Variants in B3GALT1 observed in about 807,000 individuals in gnomAD.
B3GALT1 encodes the protein UDP-Gal:betaGlcNAc beta 1,3-galactosyltransferase, polypeptide 1.
In B3GALT1, 10 loss-of-function variants were observed where a neutral mutation model predicts 23.2. The ratio of observed to expected loss-of-function variants is 0.43; its 90% confidence interval spans 0.27 to 0.73. The LOEUF is 0.73. B3GALT1 is among the 30% of genes least tolerant of loss of function. The pLI, the probability that B3GALT1 is intolerant of heterozygous loss-of-function variation, is 0.21. For missense variants in B3GALT1, 299 were observed against 405.4 expected, an observed-to-expected ratio of 0.74 and a Z score of 2.25; for synonymous variants, 156 against 141.5, an observed-to-expected ratio of 1.10 and a Z score of -0.73.
chr2:167,618,943 C>T (rs889879193), intron 2 of B3GALT1, among the ~76,000 whole-genome samples: 1 of 151,710 alleles, frequency 6.6e-6, no homozygotes, highest in African/African-American at 2.4e-5. Flanking sequence ...CCTAATGTTA[C>T]CTTTTTTTTT....
Position 167,698,682 on chromosome 2 carries a change from G to A in B3GALT1, c.-352+51716G>A, listed in dbSNP as rs551953733. ...TACATGAAGCACAAGACTTTGACAA[G>A]TTTGTTCAAGGGTAAGCTATTCCAA... On this transcript the variant is annotated intron_variant, in intron 3 of 4. Coordinates refer to ENST00000392690, the MANE Select transcript of B3GALT1 (RefSeq NM_020981.4). Among the ~76,000 whole-genome samples the A allele has an allele frequency of 3.3e-5, 5 of 152,324 alleles. 1 individual carries two copies. Among genetic ancestry groups the A allele is most frequent in the African/African-American group, 1.2e-4 (5 of 41,582 alleles).
At chr2:167,428,479 A>T (rs1479463725) in intron 1 of B3GALT1, among the ~76,000 whole-genome samples, 1 of 152,180 alleles carries the variant, frequency 6.6e-6, no homozygotes, top group Non-Finnish European at 1.5e-5. Flanking sequence ...GTTTGAGATC[A>T]GCCTGGCCAA....
chr2:167,604,312 G>A (rs947021513), intron 2 of B3GALT1, among the ~76,000 whole-genome samples: 1 of 152,120 alleles, frequency 6.6e-6, no homozygotes, highest in Non-Finnish European at 1.5e-5. Flanking sequence ...AAGATGACAA[G>A]AATTTGCTCC....
rs1021287008 is a variant in B3GALT1 at position 167,594,728 on chromosome 2, C to T, written c.-409-52181C>T. ...ATGAGTTCAAGACCAGCCTGGCCAACGTGGTGAAACCCCGTCTCTATTAAA... is the reference window on the plus strand; with the variant it reads ...ATGAGTTCAAGACCAGCCTGGCCAATGTGGTGAAACCCCGTCTCTATTAAA... On this transcript the variant is annotated intron_variant, in intron 2 of 4. Transcript: ENST00000392690. Among the ~76,000 whole-genome samples the T allele has an allele frequency of 5.3e-5, 8 of 152,204 alleles. No individual in the cohort carries two copies. The East Asian group carries it at 1.4e-3, about 26-fold the overall frequency.
chr2:167,547,182 A>T (rs979197107), intron 2 of B3GALT1, among the ~76,000 whole-genome samples: 7 of 152,050 alleles, frequency 4.6e-5, no homozygotes, highest in Non-Finnish European at 1.0e-4. Context: ...CTACTACTAA[A>T]ACCTTCCACC....
At chr2:167,795,749 G>C (rs1688536998) in intron 3 of B3GALT1, among the ~76,000 whole-genome samples, 1 of 152,124 alleles carries the variant, frequency 6.6e-6, no homozygotes, top group Non-Finnish European at 1.5e-5. Context: ...AAATTCTAAA[G>C]CTTATAGATC....
chr2:167,718,376 AAT>A, intron 3 of B3GALT1, among the ~76,000 whole-genome samples: 1 of 152,320 alleles, frequency 6.6e-6, no homozygotes. Context: ...ACATGATATA[AAT>A]ATGTTAGTGT....
At chr2:167,442,923 T>C (rs1030245841) in intron 1 of B3GALT1, among the ~76,000 whole-genome samples, 3 of 146,416 alleles carry the variant, frequency 2.0e-5, no homozygotes, top group African/African-American at 7.6e-5. Context: ...CCATTGCTTT[T>C]GGTGTTTTAG....
At chr2:167,547,693 C>CAAAAAAAAAAAAA (rs71031296) in intron 2 of B3GALT1, among the ~76,000 whole-genome samples, 25 of 75,496 alleles carry the variant, frequency 3.3e-4, no homozygotes, top group African/African-American at 8.6e-4. Flanking sequence ...GACTCTGTCT[C>CAAAAAAAAAAAAA]AAAAAAAAAA....
At chr2:167,665,426 T>G (rs1441992122) in intron 3 of B3GALT1, among the ~76,000 whole-genome samples, 2 of 148,734 alleles carry the variant, frequency 1.3e-5, no homozygotes, top group Non-Finnish European at 1.5e-5. Context: ...AAAATTCTCT[T>G]TTTTGGTTGT....
At chr2:167,303,782 A>G (rs1401120370) in intron 1 of B3GALT1, among the ~76,000 whole-genome samples, 1 of 152,038 alleles carries the variant, frequency 6.6e-6, no homozygotes, top group East Asian at 1.9e-4. Flanking sequence ...ACTATCTTGC[A>G]TAGTCATGAC....
chr2:167,653,813 T>C (rs767567287), intron 3 of B3GALT1, among the ~76,000 whole-genome samples: 79 of 152,282 alleles, frequency 5.2e-4, no homozygotes, highest in Non-Finnish European at 1.0e-3. Context: ...AGTGCCCTGG[T>C]GGGAGTTCAC....
chr2:167,439,735 ACTAT>A (rs937222683), intron 1 of B3GALT1, among the ~76,000 whole-genome samples: 9 of 152,070 alleles, frequency 5.9e-5, no homozygotes, highest in African/African-American at 1.2e-4. Context: ...ACATCTAATC[ACTAT>A]CTATTAACTT....
At chr2:167,746,277 C>T (rs748246996) in intron 3 of B3GALT1, among the ~76,000 whole-genome samples, 3 of 152,056 alleles carry the variant, frequency 2.0e-5, no homozygotes, top group Non-Finnish European at 4.4e-5. Flanking sequence ...ATTATTTTTT[C>T]TTTTTAAAAG....
intron 3 of B3GALT1, among the ~76,000 whole-genome samples, chr2:167,702,616 T>A (rs1031713807): frequency 6.6e-6 from 1 of 152,204 alleles, no homozygotes; most frequent in African/African-American, 2.4e-5. Flanking sequence ...TGATGTGTAA[T>A]TCAATATAGC....
intron 3 of B3GALT1, among the ~76,000 whole-genome samples, chr2:167,694,719 G>T (rs977779677): frequency 4.0e-5 from 6 of 151,836 alleles, no homozygotes; most frequent in African/African-American, 1.5e-4. Context: ...ACCACATTCT[G>T]TTGGTGAAAG....
intron 1 of B3GALT1, among the ~76,000 whole-genome samples, chr2:167,448,908 T>G (rs1169615003): frequency 6.6e-6 from 1 of 152,192 alleles, no homozygotes; most frequent in East Asian, 1.9e-4. Context: ...CAGTTGGCTA[T>G]AAGTGTTTGG....
At chr2:167,799,265 A>T (rs1273660207) in intron 3 of B3GALT1, among the ~76,000 whole-genome samples, 3 of 152,040 alleles carry the variant, frequency 2.0e-5, no homozygotes, top group Non-Finnish European at 4.4e-5. Flanking sequence ...GGTGAAGTCT[A>T]TACAATTCCA....
chr2:167,479,797 C>T (rs1046417670), intron 1 of B3GALT1, among the ~76,000 whole-genome samples: 5 of 151,956 alleles, frequency 3.3e-5, no homozygotes, highest in Admixed American at 6.6e-5. Context: ...TTAAGTAATG[C>T]GATGCTAGCC....
Sources: gnomAD v4.1 joint callset for allele counts (sites outside exome capture counted in the v4.1 genomes callset) on GRCh38, gnomAD v4.1.1 for gene constraint, MANE v1.5 for transcripts, NCBI Gene and HGNC (gene_info 2026-07-23, HGNC 2026-07-21) for gene names.